The following BRD4 variants were observed in gnomAD, a reference collection of about 807,000 sequenced individuals.
BRD4 encodes bromodomain containing 4.
A neutral mutation model predicts 142.1 loss-of-function variants in BRD4; 16 were observed. That is an observed-to-expected ratio of 0.11 (90% CI 0.08 to 0.17). BRD4 has a LOEUF of 0.17. Among genes scored for constraint, BRD4 ranks in the 10% least tolerant of loss-of-function variants. The pLI is 1.00. For missense variants in BRD4, 1,424 were observed against 1,810.9 expected (o/e 0.79, Z 3.88); for synonymous variants, 833 against 707.5 (o/e 1.18, Z -2.82).
chr19:15,309,355 A>T (rs1599513977), intron 1 of BRD4, among the ~76,000 whole-genome samples: 1 of 151,932 alleles, frequency 6.6e-6, no homozygotes, highest in African/African-American at 2.4e-5. Context: ...AAAAAAAAAA[A>T]ACCAACAAAC....
At chr19:15,278,123 A>T (rs1276923167) in intron 1 of BRD4, among the ~76,000 whole-genome samples, 4 of 139,976 alleles carry the variant, frequency 2.9e-5, no homozygotes, top group Admixed American at 1.4e-4. Context: ...AAAAAAAAAA[A>T]AAAAAAAAAA....
intron 1 of BRD4, among the ~76,000 whole-genome samples, chr19:15,273,540 T>C (rs1262418895): frequency 2.6e-5 from 4 of 152,186 alleles, no homozygotes; most frequent in African/African-American, 7.2e-5. Flanking sequence ...CTCCCACATA[T>C]GACATTTACA....
chr19:15,327,449 CAGG>C (rs1335685824), intron 1 of BRD4, among the ~76,000 whole-genome samples: 8 of 152,070 alleles, frequency 5.3e-5, no homozygotes, highest in African/African-American at 1.7e-4. Context: ...GAGGTTGAAG[CAGG>C]AGAAGTGCTT....
At chr19:15,247,924 A>C in intron 11 of BRD4, 2 of 223,832 alleles carry the variant, frequency 8.9e-6, no homozygotes. Context: ...TCCACAGCAA[A>C]TCTGGGGCAG....
chr19:15,283,525 C>T (rs1056896455), intron 1 of BRD4, among the ~76,000 whole-genome samples: 2 of 152,138 alleles, frequency 1.3e-5, no homozygotes, highest in Non-Finnish European at 2.9e-5. Flanking sequence ...ATTTGGGAAG[C>T]CAAGAGAGAG....
intron 1 of BRD4, among the ~76,000 whole-genome samples, chr19:15,311,053 G>C (rs1168346205): frequency 6.6e-6 from 1 of 151,912 alleles, no homozygotes; most frequent in Non-Finnish European, 1.5e-5. Context: ...CACTTTGGGA[G>C]GCCGAGGCAG....
In BRD4 at chr19:15,239,631, C is replaced by G. The variant is rs570161414; in HGVS notation, c.3445+28G>C. ...AACACGGGCCTCGGGGGGCCTGAGCCCTGGCTGTGGGCAGGGAGAGCACTC... is the reference window on the plus strand; with the variant it reads ...AACACGGGCCTCGGGGGGCCTGAGCGCTGGCTGTGGGCAGGGAGAGCACTC... On this transcript the variant is annotated intron_variant, in intron 16 of 19. Coordinates refer to ENST00000679869, the MANE Select transcript of BRD4 (RefSeq NM_001379291.1). This position sits in a 1 kb window ranked among gnomAD's most constrained non-coding sequence, Gnocchi z 7.4. 8 of 1,562,312 alleles carry G rather than the reference C, an allele frequency of 5.1e-6. No homozygotes were observed. The highest frequency in any genetic ancestry group is 6.9e-6 in the Non-Finnish European group (8 of 1,163,248).
chr19:15,265,788 G>T, intron 4 of BRD4, 145 bp from the exon 5 acceptor site: 1 of 894,540 alleles, frequency 1.1e-6, no homozygotes, highest in Non-Finnish European at 1.8e-6. Flanking sequence ...ACTCCACTCT[G>T]CCAAACCCTT....
intron 3 of BRD4, 135 bp from the exon 4 acceptor site, chr19:15,267,686 C>A: frequency 1.0e-6 from 1 of 986,346 alleles, no homozygotes; most frequent in South Asian, 1.6e-5. Context: ...CGATCTGCAC[C>A]CAAAGGAGCC....
chr19:15,256,192 T>C lies in BRD4; in HGVS notation c.1623A>G (p.Lys541=). Residue 541 remains lysine (K), a synonymous_variant, in exon 9 of 20, where the codon AAA becomes AAG. Transcript: ENST00000679869. The part of the protein sequence containing the change: ...PQQNKPKKKE[K]DKKEKKKEKH... ...TTTCTTTTTTCTTTTCCTTCTTGTC[T>C]TTCTCCTTTTTCTTTGGTTTGTTCT... 6.2e-7 allele frequency: 1 copy of C among 1,613,300 alleles called. No homozygotes were observed. Among genetic ancestry groups the C allele is most frequent in the Non-Finnish European group, 8.5e-7 (1 of 1,180,036 alleles).
chr19:15,243,914 G>A (rs900040511), intron 13 of BRD4, among the ~76,000 whole-genome samples: 3 of 152,152 alleles, frequency 2.0e-5, no homozygotes, highest in African/African-American at 4.8e-5. Context: ...CTGCAGAGGG[G>A]TCCCAGCTTT....
At chr19:15,321,199 G>T (rs183911074) in intron 1 of BRD4, among the ~76,000 whole-genome samples, 7 of 151,894 alleles carry the variant, frequency 4.6e-5, no homozygotes, top group African/African-American at 1.7e-4. Context: ...ACTCCAGCCT[G>T]GGCGAAAGAG....
chr19:15,300,997 A>G (rs1273313137), intron 1 of BRD4, among the ~76,000 whole-genome samples: 1 of 152,242 alleles, frequency 6.6e-6, no homozygotes, highest in Non-Finnish European at 1.5e-5. Flanking sequence ...TAGCAGCTTC[A>G]TTAAGAATCA....
chr19:15,294,045 T>C (rs1459840786), intron 1 of BRD4, among the ~76,000 whole-genome samples: 3 of 152,238 alleles, frequency 2.0e-5, no homozygotes, highest in Non-Finnish European at 2.9e-5. Flanking sequence ...CTAAGTGTCT[T>C]TTTGTAGGCT....
intron 1 of BRD4, among the ~76,000 whole-genome samples, chr19:15,308,823 G>A (rs1052121048): frequency 6.7e-6 from 1 of 149,284 alleles, no homozygotes; most frequent in Non-Finnish European, 1.5e-5. Flanking sequence ...AAACCAGCCT[G>A]CCCAGCATGG....
In BRD4 at chr19:15,273,074, G is replaced by T. The variant is rs921948175; in HGVS notation, c.26C>A (p.Thr9Lys). 3.7e-6 allele frequency: 6 copies of T among 1,605,190 alleles called. No homozygotes were observed. The African/African-American group carries it at 8.0e-5, about 21-fold the overall frequency. ...CATTACTGGCAGATTTCTCAATCTC[G>T]TCCCAGGGCCGCTCTCCGCAGACAT... is the stretch of plus-strand genomic sequence containing the variant. MSAESGPG[T>K]RLRNLPVMGD... Residue 9 changes from threonine to lysine, a missense_variant, in exon 2 of 20, where the codon ACG becomes AAG. Physicochemically the swap from Thr to Lys is moderately conservative, Grantham distance 78. This residue lies in a region of BRD4 where 70 missense variants were observed against 69.8 expected (regional missense o/e 1.00). Transcript: ENST00000679869.
chr19:15,296,240 G>A lies in BRD4; in HGVS notation c.-34-23107C>T, dbSNP rs150817254. On this transcript the variant is annotated intron_variant, in intron 1 of 19. Transcript: ENST00000679869. ...CTGCACTCCAGCCCGGCGACAGAGC[G>A]AGACTCCATCTCAAAATAAAAAAAA... Among the ~76,000 whole-genome samples the A allele has an allele frequency of 6.1e-3, 931 of 152,200 alleles. 15 individuals carry two copies. Among genetic ancestry groups the A allele is most frequent in the South Asian group, 0.02 (97 of 4,824 alleles).
At chr19:15,285,824 TA>T (rs1203289356) in intron 1 of BRD4, among the ~76,000 whole-genome samples, 1 of 152,092 alleles carries the variant, frequency 6.6e-6, no homozygotes, top group Non-Finnish European at 1.5e-5. Context: ...AAGGAGGACT[TA>T]AATGGCCAGG....
At position 15,238,099 on chromosome 19, in the gene BRD4, G is replaced by A. The variant is rs201667557; in HGVS notation, c.*278C>T. The A allele has an allele frequency of 2.1e-6, 1 of 483,062 alleles. No individual in the cohort carries two copies. Among genetic ancestry groups the A allele is most frequent in the East Asian group, 3.7e-5 (1 of 27,208 alleles). 29.9% of individuals were successfully genotyped at this position (483,062 alleles called of 1,614,324 possible). Reference sequence around the variant, plus strand: ...CCTCTGCCCCGCATGTGGGGATGCAGGGCTTGGGTCCAGCCGGCACTTGCT... The same window carrying A: ...CCTCTGCCCCGCATGTGGGGATGCAAGGCTTGGGTCCAGCCGGCACTTGCT... On this transcript the variant is annotated 3_prime_UTR_variant, in exon 20 of 20. Coordinates refer to ENST00000679869, the MANE Select transcript of BRD4 (RefSeq NM_001379291.1). The surrounding 1 kb of genome is among the most constrained non-coding windows in gnomAD (Gnocchi z 7.2).
Sources: allele counts gnomAD v4.1 joint callset (sites outside exome capture counted in the v4.1 genomes callset), GRCh38; gene constraint gnomAD v4.1.1; regional missense constraint gnomAD v4.1.1; non-coding constraint Gnocchi (gnomAD v3.1); transcripts MANE v1.5; gene names NCBI Gene and HGNC (gene_info 2026-07-23, HGNC 2026-07-21).